FCHSD2: variants seen among roughly 807,000 people sequenced by gnomAD.
FCHSD2 encodes the protein F-BAR and double SH3 domains protein 2.
A neutral mutation model predicts 108.1 loss-of-function variants in FCHSD2; 38 were observed. That is an observed-to-expected ratio of 0.35 (90% CI 0.27 to 0.46). The LOEUF (loss-of-function observed/expected upper bound fraction) is 0.46, where lower values mean the gene tolerates loss of function less well. Ranked by LOEUF, FCHSD2 falls within the 20% of genes least tolerant of loss-of-function variation. The pLI, the probability that FCHSD2 is intolerant of heterozygous loss-of-function variation, is 1.00. For missense variants in FCHSD2, 751 were observed against 897.8 expected, an observed-to-expected ratio of 0.84 and a Z score of 2.09; for synonymous variants, 279 against 314.7, an observed-to-expected ratio of 0.89 and a Z score of 1.20.
intron 3 of FCHSD2, among the ~76,000 whole-genome samples, chr11:73,076,058 C>T (rs1286944063): frequency 6.6e-6 from 1 of 151,768 alleles, no homozygotes; most frequent in Non-Finnish European, 1.5e-5. Flanking sequence ...GAGGTCGAGG[C>T]TGCAGTGAGC....
intron 3 of FCHSD2, among the ~76,000 whole-genome samples, chr11:73,072,160 A>G (rs1286189057): frequency 2.0e-5 from 3 of 151,224 alleles, no homozygotes; most frequent in Admixed American, 6.6e-5. Flanking sequence ...CAGATCTAGT[A>G]TGAATTCTCC....
chr11:73,093,841 G>A (rs1053144047), intron 2 of FCHSD2, among the ~76,000 whole-genome samples: 23 of 152,100 alleles, frequency 1.5e-4, no homozygotes, highest in African/African-American at 5.3e-4. Context: ...CCGACCTCAG[G>A]TGATCTGCCC....
intron 19 of FCHSD2, among the ~76,000 whole-genome samples, chr11:72,839,199 C>G (rs1442158544): frequency 1.3e-5 from 2 of 152,194 alleles, no homozygotes; most frequent in African/African-American, 4.8e-5. Flanking sequence ...AGAAATGAAA[C>G]ATTTCAGTGT....
At chr11:72,866,295 G>A (rs945886797) in intron 13 of FCHSD2, among the ~76,000 whole-genome samples, 1 of 151,972 alleles carries the variant, frequency 6.6e-6, no homozygotes, top group Non-Finnish European at 1.5e-5. Context: ...TTGAGACAGA[G>A]TTTCACTCTT....
intron 8 of FCHSD2, among the ~76,000 whole-genome samples, chr11:72,973,439 A>G (rs188459369): frequency 1.3e-5 from 2 of 152,352 alleles, no homozygotes; most frequent in African/African-American, 4.8e-5. Context: ...ACAATGAAAT[A>G]CTATATAGCA....
At chr11:72,997,987 C>T (rs1857552330) in intron 5 of FCHSD2, among the ~76,000 whole-genome samples, 1 of 152,104 alleles carries the variant, frequency 6.6e-6, no homozygotes, top group Non-Finnish European at 1.5e-5. Flanking sequence ...ACTACCACTC[C>T]CGTCCCCAAA....
At chr11:73,006,911 C>G (rs76873900) in intron 4 of FCHSD2, among the ~76,000 whole-genome samples, 1,983 of 152,306 alleles carry the variant, frequency 0.013, 47 homozygotes, top group African/African-American at 0.044. Context: ...CCAAATGTGT[C>G]TGGCTCCCAA....
intron 13 of FCHSD2, among the ~76,000 whole-genome samples, chr11:72,852,002 A>G (rs1785219): frequency 1 from 151,005 of 151,538 alleles, 75,237 homozygotes; most frequent in Middle Eastern, 1. Context: ...TCAGCCTCCC[A>G]AATAGATGGG....
intron 3 of FCHSD2, among the ~76,000 whole-genome samples, chr11:73,082,716 A>G (rs189160479): frequency 1.2e-4 from 18 of 152,270 alleles, no homozygotes; most frequent in Non-Finnish European, 1.9e-4. Flanking sequence ...ACAATCTCCC[A>G]TATTTTAAAA....
intron 8 of FCHSD2, among the ~76,000 whole-genome samples, chr11:72,931,865 T>A (rs1373628330): frequency 6.6e-6 from 1 of 152,216 alleles, no homozygotes; most frequent in Non-Finnish European, 1.5e-5. Context: ...TATGCGTATA[T>A]TCTTCACAAG....
chr11:73,003,491 T>TTATTTA (rs1857668802), intron 4 of FCHSD2, among the ~76,000 whole-genome samples: 1 of 150,648 alleles, frequency 6.6e-6, no homozygotes, highest in African/African-American at 2.4e-5. Context: ...TAGAGTGATT[T>TTATTTA]TTTTTTTTTT....
intron 3 of FCHSD2, among the ~76,000 whole-genome samples, chr11:73,049,819 G>A (rs761943319): frequency 6.6e-6 from 1 of 151,630 alleles, no homozygotes; most frequent in Non-Finnish European, 1.5e-5. Context: ...TTTAAGGAGA[G>A]GATAAAATTT....
intron 12 of FCHSD2, among the ~76,000 whole-genome samples, chr11:72,883,506 G>A (rs192286311): frequency 6.6e-6 from 1 of 152,126 alleles, no homozygotes; most frequent in Admixed American, 6.6e-5. Context: ...TTTACTAAGG[G>A]GGATATATGA....
chr11:72,881,967 C>A (rs1314686418), intron 12 of FCHSD2, among the ~76,000 whole-genome samples: 1 of 151,722 alleles, frequency 6.6e-6, no homozygotes, highest in Non-Finnish European at 1.5e-5. Flanking sequence ...CGGTGAAACC[C>A]CATCTCTACT....
chr11:72,898,728 A>AT (rs35118990), intron 10 of FCHSD2, among the ~76,000 whole-genome samples: 3 of 137,814 alleles, frequency 2.2e-5, no homozygotes, highest in Non-Finnish European at 3.1e-5. Context: ...TTTTCTTTCT[A>AT]TTTTTTTTTT....
intron 8 of FCHSD2, chr11:72,983,780 C>G: frequency 2.1e-6 from 1 of 476,514 alleles, no homozygotes; most frequent in South Asian, 1.6e-5. Flanking sequence ...CAGTTTGAGT[C>G]ATTATTTTAT....
chr11:73,081,430 T>A (rs1056560296), intron 3 of FCHSD2, among the ~76,000 whole-genome samples: 1 of 152,140 alleles, frequency 6.6e-6, no homozygotes, highest in South Asian at 2.1e-4. Flanking sequence ...TGAGACTCCA[T>A]CTCAATTAAA....
At chr11:73,097,464 G>A (rs1368503614) in intron 2 of FCHSD2, among the ~76,000 whole-genome samples, 1 of 151,208 alleles carries the variant, frequency 6.6e-6, no homozygotes, top group Non-Finnish European at 1.5e-5. Context: ...TTTGTATAAG[G>A]GTAAAGACGG....
intron 2 of FCHSD2, among the ~76,000 whole-genome samples, chr11:73,124,302 C>A (rs1206776318): frequency 6.6e-6 from 1 of 151,946 alleles, no homozygotes; most frequent in Non-Finnish European, 1.5e-5. Flanking sequence ...GGAGACATAC[C>A]TAATGTAAAT....
Sources: allele counts gnomAD v4.1 joint callset (sites outside exome capture counted in the v4.1 genomes callset), GRCh38; gene constraint gnomAD v4.1.1; transcripts MANE v1.5; gene names NCBI Gene and HGNC (gene_info 2026-07-23, HGNC 2026-07-21).